Variants in ACACA observed in about 807,000 individuals in gnomAD.
ACACA encodes acetyl-CoA carboxylase alpha.
ACACA carries 103 observed loss-of-function variants against 296.1 expected under a neutral mutation model. The ratio of observed to expected loss-of-function variants is 0.35; its 90% confidence interval spans 0.30 to 0.41. The LOEUF is 0.41. Ranked by LOEUF, ACACA falls within the 10% of genes least tolerant of loss-of-function variation. The probability of loss-of-function intolerance (pLI) is 1.00; values close to 1 mark genes in which losing one functional copy is unlikely to be tolerated. For synonymous variants in ACACA, 953 were observed against 1,038.6 expected (o/e 0.92, Z 1.58); for missense variants, 1,554 against 2,989.7 (o/e 0.52, Z 11.20).
intron 1 of ACACA, among the ~76,000 whole-genome samples, chr17:37,377,384 C>T (rs1012804087): frequency 1.3e-5 from 2 of 152,028 alleles, no homozygotes; most frequent in Non-Finnish European, 2.9e-5. Context: ...GAGGGCCGGG[C>T]GTGGTGGCTC....
intron 11 of ACACA, among the ~76,000 whole-genome samples, chr17:37,260,966 A>G (rs948662872): frequency 1.3e-5 from 2 of 152,152 alleles, no homozygotes; most frequent in African/African-American, 4.8e-5. Flanking sequence ...AAGTGCAGGT[A>G]GAATGTTGCT....
chr17:37,228,351 C>T (rs906554762), intron 25 of ACACA, among the ~76,000 whole-genome samples: 1 of 151,350 alleles, frequency 6.6e-6, no homozygotes, highest in African/African-American at 2.4e-5. Context: ...GTACTGTTTT[C>T]ACCCATTTCA....
intron 3 of ACACA, among the ~76,000 whole-genome samples, chr17:37,288,585 A>T (rs1343555291): frequency 6.6e-6 from 1 of 152,206 alleles, no homozygotes; most frequent in Non-Finnish European, 1.5e-5. Flanking sequence ...TGTTAAAACC[A>T]TCAAACTACA....
chr17:37,308,630 A>G (rs113180179), intron 3 of ACACA, among the ~76,000 whole-genome samples: 4 of 152,324 alleles, frequency 2.6e-5, no homozygotes, highest in African/African-American at 9.6e-5. Context: ...AATCAAATAC[A>G]TAATATGTAT....
chr17:37,346,470 G>A (rs563667605), intron 1 of ACACA, among the ~76,000 whole-genome samples: 19 of 152,174 alleles, frequency 1.2e-4, no homozygotes, highest in African/African-American at 3.9e-4. Context: ...GGGAGGCCAA[G>A]GCAGGTAAAT....
intron 3 of ACACA, among the ~76,000 whole-genome samples, chr17:37,321,180 G>A (rs916237554): frequency 6.6e-6 from 1 of 152,080 alleles, no homozygotes; most frequent in Non-Finnish European, 1.5e-5. Flanking sequence ...AGGAACAATA[G>A]ATAGGCCTTC....
At chr17:37,294,776 A>T (rs529749990) in intron 3 of ACACA, among the ~76,000 whole-genome samples, 1 of 152,192 alleles carries the variant, frequency 6.6e-6, no homozygotes, top group Admixed American at 6.5e-5. Context: ...TCCCCTTTGG[A>T]GAAGTTGAGG....
At chr17:37,326,527 G>A (rs1258216849) in intron 3 of ACACA, among the ~76,000 whole-genome samples, 5 of 147,578 alleles carry the variant, frequency 3.4e-5, no homozygotes, top group Non-Finnish European at 6.0e-5. Flanking sequence ...GCGAAACTCC[G>A]TCTCAAAAGA....
rs779550954 is a variant in ACACA at position 37,192,096 on chromosome 17, G to A, written c.4410C>T (p.Val1470=). Residue 1470 remains valine, a synonymous_variant, in exon 37 of 56, where the codon GTC becomes GTT. Transcript: ENST00000616317. Reference sequence around the variant, plus strand: ...ATTAAAGTACAGCACCCACCTTGGTGACCAGATCAGAATGCCTGATGATTG... The same window carrying A: ...ATTAAAGTACAGCACCCACCTTGGTAACCAGATCAGAATGCCTGATGATTG... The part of the protein sequence containing the change: ...VRAIIRHSDL[V]TKEASFEYLQ... 3.1e-6 allele frequency: 5 copies of A among 1,613,842 alleles called. No homozygotes were observed. Among genetic ancestry groups the A allele is most frequent in the Non-Finnish European group, 4.2e-6 (5 of 1,179,968 alleles).
At chr17:37,284,480 C>T (rs1015416198) in intron 4 of ACACA, among the ~76,000 whole-genome samples, 9 of 152,294 alleles carry the variant, frequency 5.9e-5, no homozygotes, top group South Asian at 2.1e-4. Context: ...GTCCCTCTGT[C>T]GCCCACGTTG....
At chr17:37,126,552 T>C (rs1226790775) in intron 47 of ACACA, among the ~76,000 whole-genome samples, 2 of 152,132 alleles carry the variant, frequency 1.3e-5, no homozygotes, top group Non-Finnish European at 2.9e-5. Context: ...CAAAGCCCCA[T>C]AAAAGCTTCT....
chr17:37,297,862 C>T (rs2083431740), intron 3 of ACACA, among the ~76,000 whole-genome samples: 1 of 151,862 alleles, frequency 6.6e-6, no homozygotes, highest in Non-Finnish European at 1.5e-5. Flanking sequence ...CCTATATATA[C>T]ATTTTTGAAA....
At chr17:37,274,344 C>T (rs1168657752) in intron 8 of ACACA, 45 bp from the exon 9 acceptor site, 8 of 1,507,308 alleles carry the variant, frequency 5.3e-6, no homozygotes, top group Non-Finnish European at 7.4e-6. Flanking sequence ...AGATCTTCTG[C>T]TCTTGTCAAT....
At position 37,390,322 on chromosome 17, in the gene ACACA, A is replaced by C. The variant is rs929520859; in HGVS notation, c.38+15940T>G. 5.5e-4 allele frequency among the ~76,000 whole-genome samples: 21 copies of C among 38,064 alleles called. 3 individuals are homozygous for C. Among genetic ancestry groups the C allele is most frequent in the East Asian group, 2.3e-3 (1 of 428 alleles). 25.0% of individuals were successfully genotyped at this position (38,064 alleles called of 152,430 possible). On this transcript the variant is annotated intron_variant, in intron 1 of 55. Transcript: ENST00000616317. ...TACATAATTATATATATATATATAT[A>C]TATATATATATAAAAGGCCAGCTGG...
chr17:37,208,057 T>C (rs545537093), intron 30 of ACACA, among the ~76,000 whole-genome samples: 22 of 152,318 alleles, frequency 1.4e-4, no homozygotes, highest in African/African-American at 5.3e-4. Context: ...CTGTTAGGAA[T>C]TTCCAGGCAG....
intron 2 of ACACA, among the ~76,000 whole-genome samples, chr17:37,332,576 GC>G (rs1329856689): frequency 1.2e-4 from 17 of 137,046 alleles, no homozygotes; most frequent in Admixed American, 6.3e-4. Flanking sequence ...TTCAAGACTA[GC>G]ATGAGCATCA....
At chr17:37,151,998 T>C (rs1162394553) in intron 43 of ACACA, among the ~76,000 whole-genome samples, 1 of 151,082 alleles carries the variant, frequency 6.6e-6, no homozygotes, top group Non-Finnish European at 1.5e-5. Flanking sequence ...GGTTTCACCA[T>C]GTTGGCCAGG....
Position 37,130,218 on chromosome 17 carries a change from C to T in ACACA, c.5680G>A (p.Val1894Ile). 2 of 1,614,132 alleles carry T rather than the reference C, an allele frequency of 1.2e-6. No individual in the cohort carries two copies. Among genetic ancestry groups the T allele is most frequent in the Non-Finnish European group, 1.7e-6 (2 of 1,180,002 alleles). The change falls in exon 46 of 56, where the codon GTC becomes ATC. Residue 1894 changes from valine (V) to isoleucine (I), a missense_variant and splice_region_variant. By Grantham distance (29) the Val-to-Ile change is conservative. Coordinates refer to ENST00000616317, the MANE Select transcript of ACACA (RefSeq NM_198834.3). ...GAGGTGTACACTTCCCGCCCGAGGA[C>T]CTAGAGAAAAGAGCAAGAGAAAAGA... is the stretch of plus-strand genomic sequence containing the variant. The part of the protein sequence containing the change: ...ILTGAGALNK[V>I]LGREVYTSNN...
chr17:37,379,003 T>C, intron 1 of ACACA: 1 of 1,104,532 alleles, frequency 9.1e-7, no homozygotes, highest in South Asian at 1.7e-5. Context: ...TCGAGGGAGT[T>C]TGAGGCTGGA....
Sources: gnomAD v4.1 joint callset for allele counts (sites outside exome capture counted in the v4.1 genomes callset) on GRCh38, gnomAD v4.1.1 for gene constraint, MANE v1.5 for transcripts, NCBI Gene and HGNC (gene_info 2026-07-23, HGNC 2026-07-21) for gene names.